Variants in GPR83 observed in about 807,000 individuals in gnomAD.
GPR83 encodes G-protein coupled receptor 72.
Under a neutral mutation model 28.0 loss-of-function variants are expected in GPR83, and 23 were observed. The observed-to-expected ratio is 0.82, with a 90% CI of 0.59 to 1.16. The LOEUF (loss-of-function observed/expected upper bound fraction) is 1.16, where lower values mean the gene tolerates loss of function less well. GPR83 is among the 50% of genes most tolerant of loss of function. The probability of loss-of-function intolerance (pLI) is 0.00; values close to 1 mark genes in which losing one functional copy is unlikely to be tolerated. For missense variants in GPR83, 610 were observed against 536.6 expected, an observed-to-expected ratio of 1.14 and a Z score of -1.35; for synonymous variants, 234 against 215.4, an observed-to-expected ratio of 1.09 and a Z score of -0.76.
intron 2 of GPR83, among the ~76,000 whole-genome samples, chr11:94,394,628 C>A (rs951002092): frequency 6.6e-6 from 1 of 151,944 alleles, no homozygotes; most frequent in African/African-American, 2.4e-5. Context: ...GTGTCTCGAG[C>A]TTTTTTTTAA....
At chr11:94,382,930 C>T (rs1307616593) in intron 3 of GPR83, among the ~76,000 whole-genome samples, 4 of 151,980 alleles carry the variant, frequency 2.6e-5, no homozygotes, top group Non-Finnish European at 4.4e-5. Context: ...TTTCGGAGGC[C>T]AAGGCGGGCG....
intron 3 of GPR83, among the ~76,000 whole-genome samples, chr11:94,391,561 C>A (rs1190587667): frequency 6.6e-6 from 1 of 152,162 alleles, no homozygotes; most frequent in Non-Finnish European, 1.5e-5. Flanking sequence ...AAAATTTTTG[C>A]AATCTATCCA....
chr11:94,396,520 C>A lies in GPR83; in HGVS notation c.392G>T (p.Arg131Leu), dbSNP rs555234718. 1 of 1,613,682 alleles carries A rather than the reference C, an allele frequency of 6.2e-7. No homozygotes were observed. Among genetic ancestry groups the A allele is most frequent in the Non-Finnish European group, 8.5e-7 (1 of 1,179,636 alleles). The change falls in exon 2 of 4, where the codon CGC (arginine) becomes CTC (leucine). Residue 131 changes from arginine (R) to leucine (L), a missense_variant. Arg to Leu is a moderately radical substitution (Grantham distance 102). Coordinates refer to ENST00000243673, the MANE Select transcript of GPR83 (RefSeq NM_016540.4). The part of the protein sequence containing the change: ...TLLNTPFTLV[R>L]FVNSTWIFGK... ...AAATATCCATGTGCTGTTCACAAAG[C>A]GAACCTGGAGATGAGCCCAAAGATG...
intron 2 of GPR83, among the ~76,000 whole-genome samples, chr11:94,396,156 G>A (rs1944864035): frequency 6.6e-6 from 1 of 152,170 alleles, no homozygotes; most frequent in Non-Finnish European, 1.5e-5. Context: ...GGAGGCGGAG[G>A]TTGCAGTGAG....
intron 3 of GPR83, among the ~76,000 whole-genome samples, chr11:94,390,435 C>G (rs914358612): frequency 2.2e-4 from 34 of 152,264 alleles, no homozygotes; most frequent in African/African-American, 7.9e-4. Flanking sequence ...CCGTCTCTCA[C>G]CACTCCTATT....
chr11:94,397,210 C>G (rs1049985302), intron 1 of GPR83, among the ~76,000 whole-genome samples: 2 of 152,268 alleles, frequency 1.3e-5, no homozygotes, highest in Non-Finnish European at 2.9e-5. Flanking sequence ...GCTCCCCAAA[C>G]CGTGTAGGGC....
chr11:94,389,562 T>A (rs1026128705), intron 3 of GPR83, among the ~76,000 whole-genome samples: 1 of 152,082 alleles, frequency 6.6e-6, no homozygotes, highest in Non-Finnish European at 1.5e-5. Flanking sequence ...AACAGACACA[T>A]GAAAAAATGC....
intron 3 of GPR83, among the ~76,000 whole-genome samples, chr11:94,382,932 A>T (rs1944708559): frequency 6.6e-6 from 1 of 152,124 alleles, no homozygotes; most frequent in Non-Finnish European, 1.5e-5. Context: ...TCGGAGGCCA[A>T]GGCGGGCGGA....
At chr11:94,383,343 G>C (rs1226498501) in intron 3 of GPR83, among the ~76,000 whole-genome samples, 1 of 152,140 alleles carries the variant, frequency 6.6e-6, no homozygotes, top group Non-Finnish European at 1.5e-5. Flanking sequence ...GCAGTGTGTA[G>C]AGGGAAATTT....
At position 94,401,014 on chromosome 11, in the gene GPR83, G is replaced by A. The variant is rs746471328; in HGVS notation, c.234C>T (p.Tyr78=). The change falls in exon 1 of 4, where the codon TAC becomes TAT. Residue 78 remains tyrosine, a synonymous_variant. Transcript: ENST00000243673. Reference sequence around the variant, plus strand: ...AGAGTGAGAAGACAATGATGAAGGAGTAAGCCACAATGAGCAGGGCTTTCA... The same window carrying A: ...AGAGTGAGAAGACAATGATGAAGGAATAAGCCACAATGAGCAGGGCTTTCA... The part of the protein sequence containing the change: ...PTVKALLIVA[Y]SFIIVFSLFG... 1 of 1,614,192 alleles carries A rather than the reference G, an allele frequency of 6.2e-7. No individual in the cohort carries two copies. Among genetic ancestry groups the A allele is most frequent in the Non-Finnish European group, 8.5e-7 (1 of 1,180,000 alleles).
chr11:94,384,300 C>T (rs1944724794), intron 3 of GPR83, among the ~76,000 whole-genome samples: 1 of 152,192 alleles, frequency 6.6e-6, no homozygotes, highest in African/African-American at 2.4e-5. Context: ...ATGCTACAAA[C>T]TCTCAATAAA....
chr11:94,396,118 G>A lies in GPR83; in HGVS notation c.513+281C>T, dbSNP rs558876268. On this transcript the variant is annotated intron_variant, in intron 2 of 3. Coordinates refer to ENST00000243673, the MANE Select transcript of GPR83 (RefSeq NM_016540.4). ...ACCTGTAATCCCAGCTACTCAGGAG[G>A]CTGAGGCAGGAGATTTGCTTGAACC... Among the ~76,000 whole-genome samples the A allele has an allele frequency of 3.9e-5, 6 of 152,340 alleles. No individual in the cohort carries two copies. The East Asian group carries it at 1.2e-3, about 29-fold the overall frequency.
Position 94,393,571 on chromosome 11 carries a change from G to C in GPR83, c.561C>G (p.Val187=). 1 of 1,613,728 alleles carries C rather than the reference G, an allele frequency of 6.2e-7. No individual in the cohort carries two copies. The highest frequency in any genetic ancestry group is 1.3e-5 in the African/African-American group (1 of 75,038). Reference sequence around the variant, plus strand: ...TGGTCCAGATGACAGCGATGTAGATGACACCCTTTGTGATTGAGATCCGGG... The same window carrying C: ...TGGTCCAGATGACAGCGATGTAGATCACACCCTTTGTGATTGAGATCCGGG... ...LKPRISITKG[V]IYIAVIWTMA... The change falls in exon 3 of 4, where the codon GTC becomes GTG. Residue 187 remains valine, a synonymous_variant. Coordinates refer to ENST00000243673, the MANE Select transcript of GPR83 (RefSeq NM_016540.4).
At chr11:94,388,987 T>G (rs1231865923) in intron 3 of GPR83, among the ~76,000 whole-genome samples, 1 of 151,980 alleles carries the variant, frequency 6.6e-6, no homozygotes, top group Non-Finnish European at 1.5e-5. Context: ...TATAAACCAA[T>G]GGAACAGAAC....
In GPR83 at chr11:94,377,973, C is replaced by A. The variant is rs1237132646; in HGVS notation, c.*2176G>T. 1 of 152,174 alleles carries A rather than the reference C, an allele frequency of 6.6e-6. No individual in the cohort carries two copies. Among genetic ancestry groups the A allele is most frequent in the African/African-American group, 2.4e-5 (1 of 41,446 alleles). The allele number at this position is 152,174 out of a possible 1,614,324, so 9.4% of individuals were successfully genotyped here. On this transcript the variant is annotated 3_prime_UTR_variant, in exon 4 of 4. Transcript: ENST00000243673. ...GGACAAACCTTCTGTATGCCTGCTGCCTTGTCTCATTCTGGTTCACAGAAT... is the reference window on the plus strand; with the variant it reads ...GGACAAACCTTCTGTATGCCTGCTGACTTGTCTCATTCTGGTTCACAGAAT...
intron 3 of GPR83, among the ~76,000 whole-genome samples, chr11:94,384,270 A>C (rs1304689605): frequency 1.3e-5 from 2 of 152,240 alleles, no homozygotes; most frequent in Non-Finnish European, 2.9e-5. Context: ...AAGGCCTTCA[A>C]CAAAATTCAG....
At chr11:94,389,204 C>A (rs1482987691) in intron 3 of GPR83, among the ~76,000 whole-genome samples, 1 of 152,070 alleles carries the variant, frequency 6.6e-6, no homozygotes, top group East Asian at 1.9e-4. Context: ...AATGTTAGAC[C>A]TAAAACCATA....
chr11:94,379,884 C>T lies in GPR83; in HGVS notation c.*265G>A, dbSNP rs751896052. ...CCCCCATCTGGGCCAACGTTGTCCT[C>T]GCTCCTCTTCCTCAGAGATACAGGC... On this transcript the variant is annotated 3_prime_UTR_variant, in exon 4 of 4. Transcript: ENST00000243673. 6 of 309,490 alleles carry T rather than the reference C, an allele frequency of 1.9e-5. No homozygotes were observed. Among genetic ancestry groups the T allele is most frequent in the Non-Finnish European group, 3.6e-5 (6 of 168,224 alleles). The allele number at this position is 309,490 out of a possible 1,614,324, so 19.2% of individuals were successfully genotyped here.
intron 3 of GPR83, among the ~76,000 whole-genome samples, chr11:94,386,544 C>T (rs1197308906): frequency 6.6e-6 from 1 of 152,118 alleles, no homozygotes; most frequent in Non-Finnish European, 1.5e-5. Context: ...GCAGGGGTTG[C>T]AATCCTAGTC....
Sources: gnomAD v4.1 joint callset for allele counts (sites outside exome capture counted in the v4.1 genomes callset) on GRCh38, gnomAD v4.1.1 for gene constraint, MANE v1.5 for transcripts, NCBI Gene and HGNC (gene_info 2026-07-23, HGNC 2026-07-21) for gene names.